Variants in AP1B1 observed in about 807,000 individuals in gnomAD.
AP1B1 encodes the protein adaptor related protein complex 1 subunit beta 1.
In AP1B1, 36 loss-of-function variants were observed where a neutral mutation model predicts 104.3. The observed-to-expected ratio is 0.35, with a 90% CI of 0.26 to 0.46. AP1B1 has a LOEUF of 0.46. Ranked by LOEUF, AP1B1 falls within the 20% of genes least tolerant of loss-of-function variation. The probability of loss-of-function intolerance (pLI) is 1.00; values close to 1 mark genes in which losing one functional copy is unlikely to be tolerated. For missense variants in AP1B1, 901 were observed against 1,247.9 expected (o/e 0.72, Z 4.19); for synonymous variants, 504 against 517.5 (o/e 0.97, Z 0.35).
chr22:29,347,762 GGAGT>G (rs2061814706), intron 11 of AP1B1, among the ~76,000 whole-genome samples: 1 of 152,244 alleles, frequency 6.6e-6, no homozygotes. Context: ...ATCTGAGATA[GGAGT>G]CTAAACCAGC....
intron 1 of AP1B1, among the ~76,000 whole-genome samples, chr22:29,377,689 A>C (rs914183541): frequency 8.6e-5 from 13 of 151,906 alleles, no homozygotes; most frequent in Admixed American, 2.6e-4. Flanking sequence ...GGGCGCCTGT[A>C]ATCACAGCTA....
intron 22 of AP1B1, 136 bp from the exon 23 acceptor site, chr22:29,329,031 C>G: frequency 6.8e-7 from 1 of 1,468,904 alleles, no homozygotes; most frequent in Non-Finnish European, 9.0e-7. Flanking sequence ...CTGCGCCTGG[C>G]ACAGATGTGA....
chr22:29,340,162 C>A (rs998014055), intron 14 of AP1B1, among the ~76,000 whole-genome samples: 1 of 152,184 alleles, frequency 6.6e-6, no homozygotes. Context: ...CCAAGTCAGT[C>A]TCACCACTCC....
At chr22:29,363,216 T>C (rs2062078167) in intron 2 of AP1B1, 110 bp from the exon 3 acceptor site, 2 of 652,974 alleles carry the variant, frequency 3.1e-6, no homozygotes, top group African/African-American at 1.8e-5. Flanking sequence ...CATCCTATGC[T>C]GTTGGCTGAG....
At chr22:29,341,790 C>T (rs574370868) in intron 12 of AP1B1, 30 bp from the exon 13 acceptor site, 70 of 1,583,394 alleles carry the variant, frequency 4.4e-5, no homozygotes, top group Non-Finnish European at 5.3e-5. Context: ...GCCCATGAAA[C>T]TCAGAGTAGC....
chr22:29,344,738 C>T (rs1005895433), intron 11 of AP1B1, among the ~76,000 whole-genome samples: 1 of 151,810 alleles, frequency 6.6e-6, no homozygotes, highest in Non-Finnish European at 1.5e-5. Context: ...AGGCTGGTCT[C>T]AGACTCCTGA....
At position 29,354,256 on chromosome 22, in the gene AP1B1, A is replaced by G. The variant is rs2061920672; in HGVS notation, c.938+394T>C. 5.3e-5 allele frequency among the ~76,000 whole-genome samples: 8 copies of G among 152,318 alleles called. No homozygotes were observed. The South Asian group carries it at 1.7e-3, about 32-fold the overall frequency. ...GGACAGCTCGTGGACTATGAAGACAATATCTAGTTTAATCACCAAGCTAGT... is the reference window on the plus strand; with the variant it reads ...GGACAGCTCGTGGACTATGAAGACAGTATCTAGTTTAATCACCAAGCTAGT... On this transcript the variant is annotated intron_variant, in intron 7 of 22. Coordinates refer to ENST00000357586, the MANE Select transcript of AP1B1 (RefSeq NM_001127.4).
chr22:29,366,979 C>T (rs2062153000), intron 2 of AP1B1, among the ~76,000 whole-genome samples: 1 of 151,958 alleles, frequency 6.6e-6, no homozygotes, highest in South Asian at 2.1e-4. Flanking sequence ...CACTTTTTTT[C>T]CCCACACTTG....
chr22:29,355,142 C>T (rs1280844342), intron 6 of AP1B1, among the ~76,000 whole-genome samples: 1 of 151,824 alleles, frequency 6.6e-6, no homozygotes, highest in Admixed American at 6.6e-5. Context: ...GAGGCTGAGA[C>T]ATGAGAATCG....
chr22:29,387,630 C>A (rs533844431), intron 1 of AP1B1, among the ~76,000 whole-genome samples: 1 of 152,212 alleles, frequency 6.6e-6, no homozygotes, highest in Non-Finnish European at 1.5e-5. Context: ...TCCCCTACAC[C>A]CCAACCTTAA....
At position 29,356,579 on chromosome 22, in the gene AP1B1, G is replaced by C. The variant is rs2061961869; in HGVS notation, c.563C>G (p.Ala188Gly). 2 of 1,614,058 alleles carry C rather than the reference G, an allele frequency of 1.2e-6. No homozygotes were observed. ...CAGGTTGCTGCTGGGGTGAGACTCGGCAATTTCTGAGAGCGCTGCCACTGC... is the reference window on the plus strand; with the variant it reads ...CAGGTTGCTGCTGGGGTGAGACTCGCCAATTTCTGAGAGCGCTGCCACTGC... ...ANAVAALSEI[A>G]ESHPSSNLLD... Residue 188 changes from alanine (A) to glycine (G), a missense_variant, in exon 6 of 23, where the codon GCC (alanine) becomes GGC (glycine). By Grantham distance (60) the Ala-to-Gly change is moderately conservative. Transcript: ENST00000357586.
At chr22:29,360,272 T>C (rs575734985) in intron 3 of AP1B1, among the ~76,000 whole-genome samples, 1 of 152,210 alleles carries the variant, frequency 6.6e-6, no homozygotes, top group South Asian at 2.1e-4. Flanking sequence ...GAAATTCCTT[T>C]GTCACCTGCC....
intron 7 of AP1B1, 135 bp downstream of exon 7, chr22:29,354,515 G>T: frequency 1.2e-6 from 1 of 842,574 alleles, no homozygotes; most frequent in Non-Finnish European, 1.9e-6. Context: ...CTGCCACTTT[G>T]GTTAAGCTAT....
intron 1 of AP1B1, among the ~76,000 whole-genome samples, chr22:29,372,610 A>AG (rs1255721574): frequency 1.3e-5 from 2 of 152,098 alleles, no homozygotes; most frequent in Non-Finnish European, 2.9e-5. Context: ...CTAGGTCCTA[A>AG]GGAAAAAAAA....
intron 1 of AP1B1, among the ~76,000 whole-genome samples, chr22:29,387,872 C>G (rs1342966313): frequency 1.3e-5 from 2 of 152,196 alleles, no homozygotes; most frequent in African/African-American, 4.8e-5. Flanking sequence ...AGAAGGGACT[C>G]GATAGCCACT....
chr22:29,359,510 C>T (rs934483568), intron 4 of AP1B1, among the ~76,000 whole-genome samples: 2 of 152,236 alleles, frequency 1.3e-5, no homozygotes, highest in African/African-American at 4.8e-5. Flanking sequence ...TCTGTAAGGG[C>T]AACAGAGAAG....
In AP1B1 at chr22:29,328,987, G is replaced by C; in HGVS notation, c.2776-92C>G. 6.5e-7 allele frequency: 1 copy of C among 1,536,280 alleles called. No individual in the cohort carries two copies. The highest frequency in any genetic ancestry group is 8.7e-7 in the Non-Finnish European group (1 of 1,143,708). On this transcript the variant is annotated intron_variant, in intron 22 of 22. Coordinates refer to ENST00000357586, the MANE Select transcript of AP1B1 (RefSeq NM_001127.4). The surrounding 1 kb of genome is among the most constrained non-coding windows in gnomAD (Gnocchi z 4.1). ...GGTGGGGAAGAGAGCAGGAACCAAT[G>C]GGACAGCGTGGAGTGCACACAGCCT... is the stretch of plus-strand genomic sequence containing the variant.
intron 1 of AP1B1, among the ~76,000 whole-genome samples, chr22:29,375,381 C>T (rs1055351304): frequency 7.3e-6 from 1 of 137,266 alleles, no homozygotes; most frequent in Non-Finnish European, 1.6e-5. Context: ...AAAAAAGCAT[C>T]TCAGATTTCC....
chr22:29,343,333 CCGTGCT>C (rs2061741609), intron 11 of AP1B1, among the ~76,000 whole-genome samples: 1 of 152,168 alleles, frequency 6.6e-6, no homozygotes, highest in South Asian at 2.1e-4. Context: ...CCAGCAGCAG[CCGTGCT>C]GACGGCATCT....
Sources: allele counts gnomAD v4.1 joint callset (sites outside exome capture counted in the v4.1 genomes callset), GRCh38; gene constraint gnomAD v4.1.1; non-coding constraint Gnocchi (gnomAD v3.1); transcripts MANE v1.5; gene names NCBI Gene and HGNC (gene_info 2026-07-23, HGNC 2026-07-21).